Variants in NUMB observed in about 807,000 individuals in gnomAD.
NUMB encodes the protein NUMB endocytic adaptor protein.
Under a neutral mutation model 59.7 loss-of-function variants are expected in NUMB, and 29 were observed. The observed-to-expected ratio is 0.49, with a 90% CI of 0.36 to 0.66. The LOEUF is 0.66. Ranked by LOEUF, NUMB falls within the 30% of genes least tolerant of loss-of-function variation. The probability of loss-of-function intolerance (pLI) is 0.00; values close to 1 mark genes in which losing one functional copy is unlikely to be tolerated. For missense variants in NUMB, 723 were observed against 822.0 expected (o/e 0.88, Z 1.47); for synonymous variants, 288 against 288.2 (o/e 1.00, Z 0.01).
chr14:73,399,841 C>G (rs534674317), intron 2 of NUMB, among the ~76,000 whole-genome samples: 37 of 152,138 alleles, frequency 2.4e-4, no homozygotes, highest in African/African-American at 8.7e-4. Flanking sequence ...GTCAGGAGTT[C>G]AAGACCAGCC....
chr14:73,411,919 C>CTTTTTTTT (rs935625343), intron 1 of NUMB, among the ~76,000 whole-genome samples: 1 of 106,818 alleles, frequency 9.4e-6, no homozygotes, highest in Non-Finnish European at 1.8e-5. Flanking sequence ...CAGCAATTAA[C>CTTTTTTTT]TTTTTTTTTT....
chr14:73,387,254 A>G (rs949765267), intron 2 of NUMB, among the ~76,000 whole-genome samples: 1 of 152,066 alleles, frequency 6.6e-6, no homozygotes, highest in Non-Finnish European at 1.5e-5. Context: ...TGTAGTTCCC[A>G]TAATCCCCAT....
chr14:73,415,616 G>A (rs1003883296), intron 1 of NUMB, among the ~76,000 whole-genome samples: 1 of 151,406 alleles, frequency 6.6e-6, no homozygotes, highest in Non-Finnish European at 1.5e-5. Flanking sequence ...ACAGGCATGA[G>A]CCACCACGCT....
chr14:73,398,287 A>G (rs2140111302), intron 2 of NUMB, among the ~76,000 whole-genome samples: 1 of 152,274 alleles, frequency 6.6e-6, no homozygotes, highest in South Asian at 2.1e-4. Flanking sequence ...TTCTAACAAC[A>G]TGGGGAAATG....
intron 4 of NUMB, among the ~76,000 whole-genome samples, chr14:73,325,878 C>G (rs1044490685): frequency 1.3e-5 from 2 of 152,200 alleles, no homozygotes; most frequent in African/African-American, 2.4e-5. Context: ...AGCCACACCT[C>G]TAAGGCAGGG....
chr14:73,386,867 A>ATTTT (rs71112745), intron 2 of NUMB, among the ~76,000 whole-genome samples: 1,400 of 79,730 alleles, frequency 0.018, 244 homozygotes, highest in African/African-American at 0.049. Context: ...CAGGTGTCTT[A>ATTTT]TTTTTTTTTT....
chr14:73,381,100 TATTA>T (rs1327528585), intron 2 of NUMB, among the ~76,000 whole-genome samples: 1 of 152,178 alleles, frequency 6.6e-6, no homozygotes. Flanking sequence ...GGTTCAGAGA[TATTA>T]AATAACTGCT....
chr14:73,435,834 C>T (rs183933205), intron 1 of NUMB, among the ~76,000 whole-genome samples: 1 of 151,692 alleles, frequency 6.6e-6, no homozygotes, highest in East Asian at 2.0e-4. Context: ...TGGTGAAACC[C>T]CATCTCTACT....
Position 73,407,838 on chromosome 14 carries a change from T to C in NUMB, c.-101+2099A>G, listed in dbSNP as rs576296763. Among the ~76,000 whole-genome samples the C allele has an allele frequency of 4.6e-5, 7 of 152,354 alleles. No homozygotes were observed. In the East Asian group the frequency reaches 1.2e-3, roughly 25 times the overall value. ...TTCCATCACATCCAGAATTTGAGAA[T>C]TACCTATATTCAAACCTGCCACAGG... On this transcript the variant is annotated intron_variant, in intron 2 of 12. Coordinates refer to ENST00000555238, the MANE Select transcript of NUMB (RefSeq NM_001005743.2).
chr14:73,291,623 C>T (rs1889407459), intron 8 of NUMB, among the ~76,000 whole-genome samples: 1 of 152,128 alleles, frequency 6.6e-6, no homozygotes, highest in Non-Finnish European at 1.5e-5. Context: ...GGTGATCTGC[C>T]TACCTCGGCC....
chr14:73,334,776 G>C (rs1341353543), intron 4 of NUMB, among the ~76,000 whole-genome samples: 1 of 151,730 alleles, frequency 6.6e-6, no homozygotes, highest in African/African-American at 2.4e-5. Flanking sequence ...GAAAAACTCC[G>C]TCTCTACTAA....
At chr14:73,322,542 C>T (rs1342796761) in intron 5 of NUMB, among the ~76,000 whole-genome samples, 1 of 152,096 alleles carries the variant, frequency 6.6e-6, no homozygotes, top group African/African-American at 2.4e-5. Context: ...GAAACCTCAC[C>T]AGGCATCAAC....
In NUMB at chr14:73,305,715, C is replaced by T. The variant is rs576532175; in HGVS notation, c.235-8430G>A. On this transcript the variant is annotated intron_variant, in intron 6 of 12. Transcript: ENST00000555238. ...CAATTAGGGCAGAGCAAGTCACTCT[C>T]AGAACAACAGTGATTTGCAATTCTA... 7.2e-5 allele frequency among the ~76,000 whole-genome samples: 11 copies of T among 152,298 alleles called. No homozygotes were observed. The East Asian group carries it at 2.1e-3, about 29-fold the overall frequency.
intron 4 of NUMB, among the ~76,000 whole-genome samples, chr14:73,352,535 T>TTTG (rs1893451987): frequency 2.8e-5 from 2 of 72,148 alleles, no homozygotes; most frequent in Admixed American, 1.7e-4. Flanking sequence ...TATATGTTTT[T>TTTG]TTTTTTTTTT....
At chr14:73,440,074 A>C (rs1344659084) in intron 1 of NUMB, among the ~76,000 whole-genome samples, 2 of 152,138 alleles carry the variant, frequency 1.3e-5, no homozygotes, top group South Asian at 2.1e-4. Flanking sequence ...TCTAGACCAA[A>C]AGGCCAACAA....
intron 6 of NUMB, among the ~76,000 whole-genome samples, chr14:73,309,752 AT>A (rs1566737307): frequency 1.8e-4 from 25 of 142,506 alleles, no homozygotes; most frequent in East Asian, 5.9e-4. Flanking sequence ...AATAATAATA[AT>A]AATAAAAATA....
intron 1 of NUMB, among the ~76,000 whole-genome samples, chr14:73,435,837 T>G (rs1898030307): frequency 6.6e-6 from 1 of 151,754 alleles, no homozygotes; most frequent in Admixed American, 6.6e-5. Flanking sequence ...TGAAACCCCA[T>G]CTCTACTAAA....
intron 1 of NUMB, among the ~76,000 whole-genome samples, chr14:73,410,465 T>A (rs946768352): frequency 3.3e-5 from 5 of 152,184 alleles, no homozygotes; most frequent in Non-Finnish European, 5.9e-5. Context: ...CTTTGATACG[T>A]CTCTATGGGA....
chr14:73,330,702 T>A (rs1891926675), intron 4 of NUMB, among the ~76,000 whole-genome samples: 1 of 152,006 alleles, frequency 6.6e-6, no homozygotes, highest in Admixed American at 6.6e-5. Context: ...AAGTACAGAT[T>A]TAGTATAGTA....
Sources: allele counts gnomAD v4.1 joint callset (sites outside exome capture counted in the v4.1 genomes callset), GRCh38; gene constraint gnomAD v4.1.1; transcripts MANE v1.5; gene names NCBI Gene and HGNC (gene_info 2026-07-23, HGNC 2026-07-21).